Variants in PRR14L observed in about 807,000 individuals in gnomAD.
PRR14L encodes proline rich 14 like.
In PRR14L, 80 loss-of-function variants were observed where a neutral mutation model predicts 155.0. That is an observed-to-expected ratio of 0.52 (90% CI 0.43 to 0.62). PRR14L has a LOEUF of 0.62. Among genes scored for constraint, PRR14L ranks in the 20% least tolerant of loss-of-function variants. The pLI, the probability that PRR14L is intolerant of heterozygous loss-of-function variation, is 0.00. For synonymous variants in PRR14L, 883 were observed against 916.0 expected, an observed-to-expected ratio of 0.96 and a Z score of 0.65; for missense variants, 2,469 against 2,548.0, an observed-to-expected ratio of 0.97 and a Z score of 0.67.
intron 6 of PRR14L, 109 bp downstream of exon 6, chr22:31,703,441 G>T: frequency 9.8e-7 from 1 of 1,025,054 alleles, no homozygotes; most frequent in African/African-American, 1.6e-5. Flanking sequence ...CACTGAAGGT[G>T]GTACGTAAAG....
chr22:31,749,292 G>A (rs907733982), intron 1 of PRR14L, among the ~76,000 whole-genome samples: 1 of 152,174 alleles, frequency 6.6e-6, no homozygotes, highest in Non-Finnish European at 1.5e-5. Flanking sequence ...CAAGGGAAAG[G>A]AGCTCACTGC....
chr22:31,686,101 ATTTTT>A (rs369773040), intron 8 of PRR14L, among the ~76,000 whole-genome samples: 3 of 138,278 alleles, frequency 2.2e-5, no homozygotes, highest in Non-Finnish European at 4.7e-5. Flanking sequence ...TGCCAGGTTA[ATTTTT>A]TTTTTTTTTT....
chr22:31,731,340 G>A (rs2074748167), intron 2 of PRR14L, among the ~76,000 whole-genome samples: 1 of 151,790 alleles, frequency 6.6e-6, no homozygotes, highest in Non-Finnish European at 1.5e-5. Flanking sequence ...CGAGGTGGGC[G>A]GATCACGAGG....
intron 3 of PRR14L, among the ~76,000 whole-genome samples, chr22:31,718,061 G>A (rs1370302648): frequency 2.6e-5 from 4 of 151,324 alleles, no homozygotes; most frequent in African/African-American, 4.9e-5. Context: ...CTGAGTAGCT[G>A]GGATTACAGG....
At chr22:31,743,812 A>G (rs2147878626) in intron 1 of PRR14L, among the ~76,000 whole-genome samples, 1 of 152,030 alleles carries the variant, frequency 6.6e-6, no homozygotes, top group Middle Eastern at 3.4e-3. Flanking sequence ...GAAAAAAAAA[A>G]AAAAGAACCT....
intron 2 of PRR14L, among the ~76,000 whole-genome samples, chr22:31,729,945 G>C (rs922576762): frequency 4.0e-5 from 6 of 151,890 alleles, no homozygotes; most frequent in Non-Finnish European, 7.4e-5. Context: ...AGGCCGAGGT[G>C]GGCGGATCAC....
At chr22:31,685,855 C>A in intron 8 of PRR14L, 52 bp from the exon 9 acceptor site, 1 of 1,513,786 alleles carries the variant, frequency 6.6e-7, no homozygotes, top group South Asian at 1.3e-5. Flanking sequence ...CATGGCCCAT[C>A]CTGTCAACAG....
intron 6 of PRR14L, 78 bp downstream of exon 6, chr22:31,703,472 A>G: frequency 7.3e-7 from 1 of 1,362,912 alleles, no homozygotes; most frequent in Non-Finnish European, 1.0e-6. Context: ...GCCAGTCTGT[A>G]GCTATAATGC....
intron 1 of PRR14L, among the ~76,000 whole-genome samples, chr22:31,740,917 G>A (rs1372359205): frequency 6.6e-6 from 1 of 151,906 alleles, no homozygotes; most frequent in Non-Finnish European, 1.5e-5. Flanking sequence ...TGAGGCAGGT[G>A]GATCACTTGA....
chr22:31,738,684 C>T lies in PRR14L; in HGVS notation c.177G>A (p.Gln59=). The change falls in exon 2 of 9, where the codon CAG becomes CAA. Residue 59 remains glutamine (Q), a synonymous_variant. Coordinates refer to ENST00000327423, the MANE Select transcript of PRR14L (RefSeq NM_173566.3). The stretch of plus-strand genomic sequence containing the variant: ...GCAGCTCCAAGGGCAATGCCCTATT[C>T]TGACTTAAAAGAGAGCTTGAGGCTC... ...KPGASSSLLS[Q]NRALPLELQR... 1 of 1,551,988 alleles carries T rather than the reference C, an allele frequency of 6.4e-7. No homozygotes were observed.
intron 2 of PRR14L, among the ~76,000 whole-genome samples, chr22:31,730,062 C>G (rs1263709243): frequency 1.3e-5 from 2 of 151,236 alleles, no homozygotes; most frequent in South Asian, 4.2e-4. Context: ...CAGAGAACTG[C>G]TTAAACCCAG....
intron 4 of PRR14L, among the ~76,000 whole-genome samples, chr22:31,708,247 T>C (rs1244156566): frequency 6.6e-6 from 1 of 152,218 alleles, no homozygotes; most frequent in Non-Finnish European, 1.5e-5. Context: ...TTCTGGGTTT[T>C]TTTTCTGACA....
At position 31,745,149 on chromosome 22, in the gene PRR14L, A is replaced by G. The variant is rs1277362502; in HGVS notation, c.-52+4844T>C. ...TCCCAGCACTTTGGGAGGACAAGGC[A>G]GGCGGATCACGAGGTCAGGAGATCG... On this transcript the variant is annotated intron_variant, in intron 1 of 8. Transcript: ENST00000327423. 3.9e-5 allele frequency among the ~76,000 whole-genome samples: 6 copies of G among 152,216 alleles called. No homozygotes were observed. In the East Asian group the frequency reaches 1.2e-3, roughly 29 times the overall value.
Position 31,712,647 on chromosome 22 carries a change from G to A in PRR14L, c.5192C>T (p.Thr1731Met), listed in dbSNP as rs796580984. 1.7e-5 allele frequency: 26 copies of A among 1,551,634 alleles called. No individual in the cohort carries two copies. The highest frequency in any genetic ancestry group is 9.8e-5 in the East Asian group (4 of 40,934). Residue 1731 changes from threonine (T) to methionine (M), a missense_variant, in exon 4 of 9, where the codon ACG becomes ATG. This residue lies in a region of PRR14L where 2,363 missense variants were observed against 2,371.6 expected (regional missense o/e 1.00). Coordinates refer to ENST00000327423, the MANE Select transcript of PRR14L (RefSeq NM_173566.3). ...FHVKSSSSDC[T>M]TESSRTFPEH... is the part of the protein sequence containing the mutation. ...AGGAAAAGTCCTTGAGGACTCAGTC[G>A]TGCAATCTGAGCTGGATGATTTCAC...
chr22:31,697,453 G>T (rs759291939), intron 7 of PRR14L, among the ~76,000 whole-genome samples: 3 of 152,002 alleles, frequency 2.0e-5, no homozygotes, highest in Non-Finnish European at 4.4e-5. Context: ...ACCTTACTTA[G>T]GAAAGAGAGC....
intron 4 of PRR14L, among the ~76,000 whole-genome samples, chr22:31,706,516 G>T (rs1024728271): frequency 2.7e-5 from 4 of 148,394 alleles, no homozygotes; most frequent in Non-Finnish European, 5.9e-5. Flanking sequence ...CCTCTACCTT[G>T]TGGGTTCAAG....
At chr22:31,703,528 C>T (rs773742888) in intron 6 of PRR14L, 22 bp downstream of exon 6, 3 of 1,601,242 alleles carry the variant, frequency 1.9e-6, no homozygotes, top group African/African-American at 1.3e-5. Context: ...ATCATCTGAC[C>T]CAACCAGCAC....
At chr22:31,748,910 G>T (rs746156924) in intron 1 of PRR14L, among the ~76,000 whole-genome samples, 20 of 152,150 alleles carry the variant, frequency 1.3e-4, no homozygotes, top group Non-Finnish European at 2.1e-4. Flanking sequence ...TAAGGGGACT[G>T]GAAGTGTCTC....
At chr22:31,706,959 G>T (rs905229372) in intron 4 of PRR14L, among the ~76,000 whole-genome samples, 3 of 152,044 alleles carry the variant, frequency 2.0e-5, no homozygotes, top group Non-Finnish European at 4.4e-5. Context: ...TGAGGCAGGA[G>T]AATCGCTTGA....
Sources: gnomAD v4.1 joint callset for allele counts (sites outside exome capture counted in the v4.1 genomes callset) on GRCh38, gnomAD v4.1.1 for gene constraint, gnomAD v4.1.1 regional missense constraint, MANE v1.5 for transcripts, NCBI Gene and HGNC (gene_info 2026-07-23, HGNC 2026-07-21) for gene names.